EYS: variants seen among roughly 807,000 people sequenced by gnomAD.
The protein encoded by EYS is EGF-like photoreceptor maintenance factor, also known as protein eyes shut homolog.
EYS carries 250 observed loss-of-function variants against 282.1 expected under a neutral mutation model. The observed-to-expected ratio is 0.89, with a 90% confidence interval of 0.80 to 0.98. EYS has a LOEUF of 0.98. EYS is among the 50% of genes least tolerant of loss of function. EYS has a pLI of 0.00. For synonymous variants in EYS, 1,355 were observed against 1,282.9 expected (o/e 1.06, Z -1.20); for missense variants, 4,016 against 3,709.0 (o/e 1.08, Z -2.15).
At chr6:65,600,386 T>C (rs576180933) in intron 2 of EYS, among the ~76,000 whole-genome samples, 2 of 152,162 alleles carry the variant, frequency 1.3e-5, no homozygotes, top group East Asian at 3.9e-4. Flanking sequence ...TTCTCCTCAT[T>C]GTTATTCCTT....
chr6:65,528,604 G>A (rs1767652733), intron 2 of EYS, among the ~76,000 whole-genome samples: 1 of 152,164 alleles, frequency 6.6e-6, no homozygotes, highest in African/African-American at 2.4e-5. Context: ...CAGCAAGAAG[G>A]CCCTTGACAA....
intron 2 of EYS, among the ~76,000 whole-genome samples, chr6:65,587,382 T>C (rs971459963): frequency 2.6e-5 from 4 of 152,060 alleles, no homozygotes; most frequent in Non-Finnish European, 5.9e-5. Context: ...GGGAGGTAAT[T>C]GAATCGTGGG....
chr6:64,629,457 C>G (rs1478336598), intron 22 of EYS, among the ~76,000 whole-genome samples: 2 of 151,996 alleles, frequency 1.3e-5, no homozygotes, highest in African/African-American at 4.8e-5. Context: ...CTATAAAAGT[C>G]AAGTTGTAAG....
intron 26 of EYS, among the ~76,000 whole-genome samples, chr6:64,548,587 CA>C (rs1257729614): frequency 6.6e-6 from 1 of 151,934 alleles, no homozygotes; most frequent in Non-Finnish European, 1.5e-5. Flanking sequence ...GACAAAAAAC[CA>C]AACACCGCAT....
At chr6:64,717,764 G>A (rs888422158) in intron 22 of EYS, among the ~76,000 whole-genome samples, 4 of 152,162 alleles carry the variant, frequency 2.6e-5, no homozygotes, top group African/African-American at 7.2e-5. Context: ...TAATGTAGAG[G>A]TATATGGGTC....
At chr6:65,009,857 C>T (rs991916686) in intron 13 of EYS, among the ~76,000 whole-genome samples, 1 of 152,182 alleles carries the variant, frequency 6.6e-6, no homozygotes, top group African/African-American at 2.4e-5. Flanking sequence ...AGGAATGTAT[C>T]CTGCCTATAC....
rs193042485 is a variant in EYS at position 65,360,381 on chromosome 6, T to A, written c.1300-6764A>T. ...TAATTATATTATTTAAATAAAAAAA[T>A]TAGCATTATTATTCCTCTAGCTCTT... On this transcript the variant is annotated intron_variant, in intron 8 of 42. Coordinates refer to ENST00000503581, the MANE Select transcript of EYS (RefSeq NM_001142800.2). Among the ~76,000 whole-genome samples, 186 of 151,964 alleles carry A rather than the reference T, an allele frequency of 1.2e-3. 1 individual carries two copies. The highest frequency in any genetic ancestry group is 4.2e-3 in the African/African-American group (175 of 41,530).
chr6:64,431,436 A>G (rs932695530), intron 28 of EYS, among the ~76,000 whole-genome samples: 1 of 152,114 alleles, frequency 6.6e-6, no homozygotes, highest in Non-Finnish European at 1.5e-5. Context: ...TTTTGTGAAA[A>G]CCCAATTTAA....
At chr6:64,608,193 T>C (rs1477674428) in intron 24 of EYS, among the ~76,000 whole-genome samples, 1 of 152,166 alleles carries the variant, frequency 6.6e-6, no homozygotes, top group African/African-American at 2.4e-5. Context: ...ATGTTTTCGT[T>C]CATGTATAAT....
chr6:65,420,656 T>C (rs1386385789), intron 5 of EYS, among the ~76,000 whole-genome samples: 2 of 151,908 alleles, frequency 1.3e-5, no homozygotes, highest in African/African-American at 2.4e-5. Flanking sequence ...TTTGCTTAGA[T>C]CCATCAGAGG....
At chr6:64,950,793 A>G (rs1267084978) in intron 14 of EYS, among the ~76,000 whole-genome samples, 1 of 49,566 alleles carries the variant, frequency 2.0e-5, no homozygotes, top group Non-Finnish European at 3.5e-5. Flanking sequence ...ACACATATAC[A>G]TATACATATA....
At chr6:65,581,580 A>G (rs1413737197) in intron 2 of EYS, among the ~76,000 whole-genome samples, 3 of 152,092 alleles carry the variant, frequency 2.0e-5, no homozygotes, top group African/African-American at 7.2e-5. Flanking sequence ...AATCCCTCCT[A>G]ATGTTTAATG....
chr6:64,004,320 G>A (rs1482584385), intron 33 of EYS, among the ~76,000 whole-genome samples: 1 of 151,508 alleles, frequency 6.6e-6, no homozygotes, highest in African/African-American at 2.4e-5. Flanking sequence ...TGCCTGTTAT[G>A]CTTTTATAAC....
chr6:65,335,592 AT>A (rs1194627074), intron 10 of EYS, among the ~76,000 whole-genome samples: 1 of 151,572 alleles, frequency 6.6e-6, no homozygotes, highest in Non-Finnish European at 1.5e-5. Context: ...ATTCCACCTC[AT>A]TTTAAAGCTA....
At chr6:65,459,693 G>A (rs977439101) in intron 5 of EYS, among the ~76,000 whole-genome samples, 7 of 151,340 alleles carry the variant, frequency 4.6e-5, no homozygotes, top group Non-Finnish European at 8.9e-5. Context: ...GTTTCATAGA[G>A]AGTCTTGAAC....
intron 26 of EYS, among the ~76,000 whole-genome samples, chr6:64,502,530 G>A (rs1367150975): frequency 6.6e-6 from 1 of 152,110 alleles, no homozygotes; most frequent in African/African-American, 2.4e-5. Context: ...CCGGAGGCTG[G>A]TGTTTTTTTA....
At chr6:64,743,741 C>T (rs1430508724) in intron 22 of EYS, among the ~76,000 whole-genome samples, 4 of 151,994 alleles carry the variant, frequency 2.6e-5, no homozygotes, top group Non-Finnish European at 4.4e-5. Context: ...ATTGGAAATA[C>T]TATCACATTA....
chr6:64,337,379 G>C (rs1476102497), intron 29 of EYS, among the ~76,000 whole-genome samples: 1 of 151,892 alleles, frequency 6.6e-6, no homozygotes, highest in Non-Finnish European at 1.5e-5. Context: ...AGAAAACCTA[G>C]AAGAGATGAA....
chr6:64,448,119 G>T (rs1014628160), intron 26 of EYS, among the ~76,000 whole-genome samples: 1 of 152,220 alleles, frequency 6.6e-6, no homozygotes, highest in Admixed American at 6.5e-5. Flanking sequence ...AAAGAAAGGG[G>T]TGACAGATGG....
Sources: gnomAD v4.1 joint callset for allele counts (sites outside exome capture counted in the v4.1 genomes callset) on GRCh38, gnomAD v4.1.1 for gene constraint, MANE v1.5 for transcripts, NCBI Gene and HGNC (gene_info 2026-07-23, HGNC 2026-07-21) for gene names.